KIRREL3: variants seen among roughly 807,000 people sequenced by gnomAD.
KIRREL3 encodes the protein kin of IRRE-like protein 3.
In KIRREL3, 36 loss-of-function variants were observed where a neutral mutation model predicts 89.7. The ratio of observed to expected loss-of-function variants is 0.40; its 90% CI spans 0.31 to 0.53. KIRREL3 has a LOEUF of 0.53. Among genes scored for constraint, KIRREL3 ranks in the 20% least tolerant of loss-of-function variants. The pLI is 0.49. For synonymous variants in KIRREL3, 445 were observed against 441.4 expected (o/e 1.01, Z -0.10); for missense variants, 864 against 1,056.6 (o/e 0.82, Z 2.53).
chr11:126,966,679 G>T (rs1170048456), intron 1 of KIRREL3, among the ~76,000 whole-genome samples: 1 of 152,148 alleles, frequency 6.6e-6, no homozygotes, highest in Non-Finnish European at 1.5e-5. Flanking sequence ...TGAGTCTAGA[G>T]ACATGCCACT....
rs1402602344 is a variant in KIRREL3, at chr11:126,811,253, T to C, written c.55+189202A>G. Among the ~76,000 whole-genome samples, 1 of 152,248 alleles carries C rather than the reference T, an allele frequency of 6.6e-6. No homozygotes were observed. The highest frequency in any genetic ancestry group is 1.5e-5 in the Non-Finnish European group (1 of 68,046). On this transcript the variant is annotated intron_variant, in intron 1 of 16. Coordinates refer to ENST00000525144, the MANE Select transcript of KIRREL3 (RefSeq NM_032531.4). This position sits in a 1 kb window ranked among gnomAD's most constrained non-coding sequence, Gnocchi z 4.3. Reference sequence around the variant, plus strand: ...TCTGTTTTCCAGGAGGTGTCCCTAGTACCCTTCCCACCCGCTTTCATCCTC... The same window carrying C: ...TCTGTTTTCCAGGAGGTGTCCCTAGCACCCTTCCCACCCGCTTTCATCCTC...
Position 126,811,628 on chromosome 11 carries a change from C to G in KIRREL3, c.55+188827G>C, listed in dbSNP as rs1951391547. ...TGAGATGGAGTTTTGCTCTTGTCAC[C>G]CAGGCTGGTGTGGAATGGCATGATC... On this transcript the variant is annotated intron_variant, in intron 1 of 16. Coordinates refer to ENST00000525144, the MANE Select transcript of KIRREL3 (RefSeq NM_032531.4). This position sits in a 1 kb window ranked among gnomAD's most constrained non-coding sequence, Gnocchi z 4.3. 6.6e-6 allele frequency among the ~76,000 whole-genome samples: 1 copy of G among 151,966 alleles called. No homozygotes were observed. Among genetic ancestry groups the G allele is most frequent in the Non-Finnish European group, 1.5e-5 (1 of 68,006 alleles).
At chr11:126,440,130 A>G in intron 11 of KIRREL3, 1 of 568,978 alleles carries the variant, frequency 1.8e-6, no homozygotes, top group East Asian at 3.8e-5. Flanking sequence ...GCCCAGGAAG[A>G]GAAGAAGTCA....
At chr11:126,950,222 A>G (rs1471574523) in intron 1 of KIRREL3, among the ~76,000 whole-genome samples, 1 of 152,054 alleles carries the variant, frequency 6.6e-6, no homozygotes, top group Non-Finnish European at 1.5e-5. Context: ...AAATACAAAA[A>G]TTTAGCCAGG....
chr11:126,706,917 T>A (rs1228860172), intron 1 of KIRREL3, among the ~76,000 whole-genome samples: 1 of 151,862 alleles, frequency 6.6e-6, no homozygotes, highest in Non-Finnish European at 1.5e-5. Context: ...TGCTATACAT[T>A]TTTTTCCACA....
At position 126,541,868 on chromosome 11, in the gene KIRREL3, A is replaced by C. The variant is rs966518088; in HGVS notation, c.134-15181T>G. Among the ~76,000 whole-genome samples, 1 of 152,146 alleles carries C rather than the reference A, an allele frequency of 6.6e-6. No homozygotes were observed. The highest frequency in any genetic ancestry group is 1.5e-5 in the Non-Finnish European group (1 of 68,024). Reference sequence around the variant, plus strand: ...GGGTGCGCATTGATGTTCCCACTGCACAGTGAAGGCATTTTCACACCTTTT... The same window carrying C: ...GGGTGCGCATTGATGTTCCCACTGCCCAGTGAAGGCATTTTCACACCTTTT... On this transcript the variant is annotated intron_variant, in intron 2 of 16. Transcript: ENST00000525144. The surrounding 1 kb of genome is among the most constrained non-coding windows in gnomAD (Gnocchi z 4.8).
rs894833966 is a variant in KIRREL3 at position 126,495,295 on chromosome 11, C to T, written c.434-21829G>A. Reference sequence around the variant, plus strand: ...CAGTGTGACCCATCAGCTTGACTTCCGGGCCCTCTGTACCCTGGCCCAAGC... The same window carrying T: ...CAGTGTGACCCATCAGCTTGACTTCTGGGCCCTCTGTACCCTGGCCCAAGC... On this transcript the variant is annotated intron_variant, in intron 4 of 16. Coordinates refer to ENST00000525144, the MANE Select transcript of KIRREL3 (RefSeq NM_032531.4). This position sits in a 1 kb window ranked among gnomAD's most constrained non-coding sequence, Gnocchi z 6.5. Among the ~76,000 whole-genome samples the T allele has an allele frequency of 6.6e-6, 1 of 152,148 alleles. No homozygotes were observed. Among genetic ancestry groups the T allele is most frequent in the Non-Finnish European group, 1.5e-5 (1 of 68,026 alleles).
rs1167944608 is a variant in KIRREL3, at chr11:126,578,941, G to T, written c.56-16029C>A. Reference sequence around the variant, plus strand: ...ACTTATCCTCACCATGCCTAGAGATGGGACTTTGTCTCCATGTGACTTATG... The same window carrying T: ...ACTTATCCTCACCATGCCTAGAGATTGGACTTTGTCTCCATGTGACTTATG... On this transcript the variant is annotated intron_variant, in intron 1 of 16. Transcript: ENST00000525144. The surrounding 1 kb of genome is among the most constrained non-coding windows in gnomAD (Gnocchi z 4.9). Among the ~76,000 whole-genome samples the T allele has an allele frequency of 6.6e-6, 1 of 152,146 alleles. No homozygotes were observed. Among genetic ancestry groups the T allele is most frequent in the Non-Finnish European group, 1.5e-5 (1 of 68,026 alleles).
At position 126,574,268 on chromosome 11, in the gene KIRREL3, G is replaced by T. The variant is rs971136679; in HGVS notation, c.56-11356C>A. 7.9e-5 allele frequency among the ~76,000 whole-genome samples: 12 copies of T among 152,174 alleles called. No individual in the cohort carries two copies. Among genetic ancestry groups the T allele is most frequent in the Admixed American group, 7.9e-4 (12 of 15,280 alleles). ...ACCCTGCTGCTAATGGCAGGGCTAG[G>T]ATTTGACCACAACGCTTGGGGTAAA... On this transcript the variant is annotated intron_variant, in intron 1 of 16. Coordinates refer to ENST00000525144, the MANE Select transcript of KIRREL3 (RefSeq NM_032531.4). The surrounding 1 kb of genome is among the most constrained non-coding windows in gnomAD (Gnocchi z 5.3).
intron 1 of KIRREL3, among the ~76,000 whole-genome samples, chr11:126,599,462 C>T (rs1565582453): frequency 6.6e-6 from 1 of 152,190 alleles, no homozygotes. Flanking sequence ...GGGCTGTTTA[C>T]TCCTCTAGCT....
At position 126,470,904 on chromosome 11, in the gene KIRREL3, C is replaced by T. The variant is rs147192604; in HGVS notation, c.591+2405G>A. Among the ~76,000 whole-genome samples the T allele has an allele frequency of 2.6e-3, 402 of 152,318 alleles. 3 individuals carry two copies. The highest frequency in any genetic ancestry group is 5.6e-3 in the Admixed American group (85 of 15,300). On this transcript the variant is annotated intron_variant, in intron 5 of 16. Coordinates refer to ENST00000525144, the MANE Select transcript of KIRREL3 (RefSeq NM_032531.4). The stretch of plus-strand genomic sequence containing the variant: ...TTGGCCCAGGTATACTGTAAGGCCT[C>T]ATTCATCTTAGAGGCTCTGTGGTAC...
At chr11:126,435,074 G>A (rs1955268746) in intron 13 of KIRREL3, among the ~76,000 whole-genome samples, 194 bp downstream of exon 13, 1 of 152,048 alleles carries the variant, frequency 6.6e-6, no homozygotes, top group Non-Finnish European at 1.5e-5. Context: ...ACAGGTCTCT[G>A]GGGTCCCTAG....
At chr11:126,450,951 ATG>A (rs1287690278) in intron 7 of KIRREL3, among the ~76,000 whole-genome samples, 20 of 124,272 alleles carry the variant, frequency 1.6e-4, no homozygotes, top group East Asian at 1.1e-3. Flanking sequence ...GCGTGTGTGC[ATG>A]TGTGAGCGTG....
intron 1 of KIRREL3, among the ~76,000 whole-genome samples, chr11:126,956,344 G>C (rs745826308): frequency 1.3e-5 from 2 of 152,142 alleles, no homozygotes; most frequent in Non-Finnish European, 2.9e-5. Context: ...TAGCGAATCT[G>C]ATGTCAGAGT....
rs1000684500 is a variant in KIRREL3, at chr11:126,788,112, C to T, written c.55+212343G>A. Among the ~76,000 whole-genome samples the T allele has an allele frequency of 5.9e-5, 9 of 152,274 alleles. No homozygotes were observed. Among genetic ancestry groups the T allele is most frequent in the African/African-American group, 1.9e-4 (8 of 41,578 alleles). Reference sequence around the variant, plus strand: ...CATACTCTTAGCCACGACAATATTCCGCCTCCCATAGCATCTAAAATCTGC... The same window carrying T: ...CATACTCTTAGCCACGACAATATTCTGCCTCCCATAGCATCTAAAATCTGC... On this transcript the variant is annotated intron_variant, in intron 1 of 16. Transcript: ENST00000525144. The surrounding 1 kb of genome is among the most constrained non-coding windows in gnomAD (Gnocchi z 4.1).
chr11:126,966,990 G>A (rs961840280), intron 1 of KIRREL3, among the ~76,000 whole-genome samples: 6 of 152,256 alleles, frequency 3.9e-5, no homozygotes, highest in Middle Eastern at 3.4e-3. Context: ...ATTCTTGAGC[G>A]AGAAGGGCAT....
chr11:126,615,784 C>T lies in KIRREL3; in HGVS notation c.56-52872G>A, dbSNP rs1424464604. 6.6e-6 allele frequency among the ~76,000 whole-genome samples: 1 copy of T among 152,230 alleles called. No individual in the cohort carries two copies. Among genetic ancestry groups the T allele is most frequent in the Non-Finnish European group, 1.5e-5 (1 of 68,028 alleles). On this transcript the variant is annotated intron_variant, in intron 1 of 16. Coordinates refer to ENST00000525144, the MANE Select transcript of KIRREL3 (RefSeq NM_032531.4). The surrounding 1 kb of genome is among the most constrained non-coding windows in gnomAD (Gnocchi z 5.4). ...GGCAGAGCCTTACTACCTTTGGCTA[C>T]ATAGGCTCTGGGATGGCAGTGCTCT...
chr11:126,777,356 T>C (rs1950197490), intron 1 of KIRREL3, among the ~76,000 whole-genome samples: 1 of 152,194 alleles, frequency 6.6e-6, no homozygotes, highest in East Asian at 1.9e-4. Flanking sequence ...GGAACAGTGA[T>C]AATTCAGGTA....
chr11:126,775,749 T>C (rs1950152348), intron 1 of KIRREL3, among the ~76,000 whole-genome samples: 1 of 152,196 alleles, frequency 6.6e-6, no homozygotes, highest in African/African-American at 2.4e-5. Flanking sequence ...CTGACACAGA[T>C]CTTGGAGGTG....
Sources: gnomAD v4.1 joint callset for allele counts (sites outside exome capture counted in the v4.1 genomes callset) on GRCh38, gnomAD v4.1.1 for gene constraint, Gnocchi (gnomAD v3.1) non-coding constraint, MANE v1.5 for transcripts, NCBI Gene and HGNC (gene_info 2026-07-23, HGNC 2026-07-21) for gene names.